Variants in ABLIM2 observed in about 807,000 individuals in gnomAD.
The protein encoded by ABLIM2 is actin binding LIM protein family member 2.
Under a neutral mutation model 97.7 loss-of-function variants are expected in ABLIM2, and 53 were observed. The observed-to-expected ratio is 0.54, with a 90% CI of 0.44 to 0.68. ABLIM2 has a LOEUF of 0.68. Among genes scored for constraint, ABLIM2 ranks in the 30% least tolerant of loss-of-function variants. The pLI is 0.00. For missense variants in ABLIM2, 835 were observed against 867.2 expected, an observed-to-expected ratio of 0.96 and a Z score of 0.47; for synonymous variants, 361 against 345.8, an observed-to-expected ratio of 1.04 and a Z score of -0.49.
Position 8,009,252 on chromosome 4 carries a change from A to G in ABLIM2, c.1424-150T>C, listed in dbSNP as rs186551395. The G allele has an allele frequency of 5.5e-3, 5,140 of 937,240 alleles. 28 individuals are homozygous for G. The highest frequency in any genetic ancestry group is 7.2e-3 in the Non-Finnish European group (4,349 of 605,404). The allele number at this position is 937,240 out of a possible 1,614,324, so 58.1% of individuals were successfully genotyped here. A position where few individuals can be genotyped will look rare whatever the true frequency, so the allele number is the denominator to read the frequency against. ...GAGTGCCTTTCAAAGGGCAAGGAAC[A>G]AGGTAAGCTGGAGGAGGTCCCCAGG... is the stretch of plus-strand genomic sequence containing the variant. On this transcript the variant is annotated intron_variant, in intron 14 of 20. Coordinates refer to ENST00000447017, the MANE Select transcript of ABLIM2 (RefSeq NM_001130083.2).
At chr4:8,078,134 C>G (rs543407482) in intron 5 of ABLIM2, among the ~76,000 whole-genome samples, 1 of 152,218 alleles carries the variant, frequency 6.6e-6, no homozygotes, top group Non-Finnish European at 1.5e-5. Flanking sequence ...ACATTGGGAA[C>G]AGGGCTGGAG....
rs59586032 is a variant in ABLIM2 at position 8,120,474 on chromosome 4, G to A, written c.11-13837C>T. Among the ~76,000 whole-genome samples, 21,916 of 152,108 alleles carry A rather than the reference G, an allele frequency of 0.14. 1,841 individuals carry two copies. Among genetic ancestry groups the A allele is most frequent in the East Asian group, 0.32 (1,642 of 5,168 alleles). ...GTCGTGGCAGCATGGGAAACCAGAG[G>A]GAACCCAACATGAAGACGCGGGAGA... On this transcript the variant is annotated intron_variant, in intron 1 of 20. Transcript: ENST00000447017. The surrounding 1 kb of genome is among the most constrained non-coding windows in gnomAD (Gnocchi z 5.6).
chr4:7,973,198 G>C (rs13129349), intron 20 of ABLIM2, among the ~76,000 whole-genome samples: 24,773 of 151,770 alleles, frequency 0.16, 2,562 homozygotes, highest in Non-Finnish European at 0.22. Context: ...AGCCTTGGCT[G>C]CTGGAGGAAG....
intron 14 of ABLIM2, among the ~76,000 whole-genome samples, chr4:8,012,973 A>G (rs1766077045): frequency 6.6e-6 from 1 of 152,172 alleles, no homozygotes. Context: ...CCTACTGTGC[A>G]CTGTACTGTC....
chr4:8,124,258 C>T lies in ABLIM2; in HGVS notation c.11-17621G>A, dbSNP rs1361488514. Among the ~76,000 whole-genome samples, 3 of 152,244 alleles carry T rather than the reference C, an allele frequency of 2.0e-5. No homozygotes were observed. The highest frequency in any genetic ancestry group is 2.9e-5 in the Non-Finnish European group (2 of 68,050). ...CGGTGCACACATCTGAAAATCATAA[C>T]TTCATTGAGATATAATTCACATAGC... On this transcript the variant is annotated intron_variant, in intron 1 of 20. Coordinates refer to ENST00000447017, the MANE Select transcript of ABLIM2 (RefSeq NM_001130083.2). The surrounding 1 kb of genome is among the most constrained non-coding windows in gnomAD (Gnocchi z 6.1).
In ABLIM2 at chr4:8,125,907, C is replaced by A. The variant is rs150791354; in HGVS notation, c.11-19270G>T. ...TGTGCGTGGGCAGCCTTGGGGGACCCGCCGCTTTTGGGAACACACCTGCAT... is the reference window on the plus strand; with the variant it reads ...TGTGCGTGGGCAGCCTTGGGGGACCAGCCGCTTTTGGGAACACACCTGCAT... On this transcript the variant is annotated intron_variant, in intron 1 of 20. Coordinates refer to ENST00000447017, the MANE Select transcript of ABLIM2 (RefSeq NM_001130083.2). This position sits in a 1 kb window ranked among gnomAD's most constrained non-coding sequence, Gnocchi z 6.2. 6.6e-6 allele frequency among the ~76,000 whole-genome samples: 1 copy of A among 152,190 alleles called. No homozygotes were observed. Among genetic ancestry groups the A allele is most frequent in the Non-Finnish European group, 1.5e-5 (1 of 68,036 alleles).
intron 17 of ABLIM2, among the ~76,000 whole-genome samples, chr4:7,988,766 C>T (rs186416940): frequency 6.6e-6 from 1 of 152,240 alleles, no homozygotes; most frequent in East Asian, 1.9e-4. Context: ...TTTTTAAAGA[C>T]TAGAAAAGAG....
chr4:8,077,528 C>T, intron 6 of ABLIM2, 100 bp downstream of exon 6: 1 of 1,176,542 alleles, frequency 8.5e-7, no homozygotes, highest in Non-Finnish European at 1.2e-6. Context: ...TGCAGCCAGA[C>T]AGATTCTTGC....
At chr4:8,080,591 G>T in intron 5 of ABLIM2, 85 bp downstream of exon 5, 3 of 1,387,472 alleles carry the variant, frequency 2.2e-6, no homozygotes, top group South Asian at 1.6e-5. Flanking sequence ...AGAGGGTGGC[G>T]CTGGGGACAC....
chr4:8,051,895 C>T (rs1004786372), intron 8 of ABLIM2, among the ~76,000 whole-genome samples: 2 of 152,192 alleles, frequency 1.3e-5, no homozygotes, highest in African/African-American at 4.8e-5. Flanking sequence ...CTGGTCAAAC[C>T]AATCGCCTAA....
rs531183647 is a variant in ABLIM2, at chr4:8,006,705, C to T, written c.1618+1354G>A. 1.6e-3 allele frequency among the ~76,000 whole-genome samples: 241 copies of T among 152,246 alleles called. 1 individual carries two copies. The highest frequency in any genetic ancestry group is 5.2e-3 in the African/African-American group (218 of 41,568). On this transcript the variant is annotated intron_variant, in intron 16 of 20. Transcript: ENST00000447017. The stretch of plus-strand genomic sequence containing the variant: ...GCCAGGGGCAGGGATTCCTAGGATC[C>T]GAGAGAGAGGGACCGGAGGACTGGC...
At position 8,021,394 on chromosome 4, in the gene ABLIM2, C is replaced by T. The variant is rs779655306; in HGVS notation, c.1268-1091G>A. Among the ~76,000 whole-genome samples the T allele has an allele frequency of 2.0e-5, 3 of 152,048 alleles. No homozygotes were observed. Among genetic ancestry groups the T allele is most frequent in the African/African-American group, 7.2e-5 (3 of 41,390 alleles). The stretch of plus-strand genomic sequence containing the variant: ...AATGCTTGTGATGAGAGAAGGTGTA[C>T]GCTCCCTGCAGAAGACACTCCCAAG... On this transcript the variant is annotated intron_variant, in intron 12 of 20. Transcript: ENST00000447017. This position sits in a 1 kb window ranked among gnomAD's most constrained non-coding sequence, Gnocchi z 5.5.
Position 8,087,995 on chromosome 4 carries a change from A to G in ABLIM2, c.454+174T>C, listed in dbSNP as rs1428106651. ...CCAACTCAGCACCCCCCCCACAACC[A>G]GCAAGCCCCCACTTAGCATGCCCTA... On this transcript the variant is annotated intron_variant, in intron 4 of 20. Coordinates refer to ENST00000447017, the MANE Select transcript of ABLIM2 (RefSeq NM_001130083.2). This position sits in a 1 kb window ranked among gnomAD's most constrained non-coding sequence, Gnocchi z 4.6. Among the ~76,000 whole-genome samples the G allele has an allele frequency of 1.7e-5, 1 of 57,608 alleles. No individual in the cohort carries two copies. Among genetic ancestry groups the G allele is most frequent in the Non-Finnish European group, 3.2e-5 (1 of 31,192 alleles). The allele number at this position is 57,608 out of a possible 152,430, so 37.8% of individuals were successfully genotyped here. A position where few individuals can be genotyped will look rare whatever the true frequency, so the allele number is the denominator to read the frequency against.
rs1030100832 is a variant in ABLIM2 at position 8,150,411 on chromosome 4, G to C, written c.10+8269C>G. Among the ~76,000 whole-genome samples, 26 of 152,196 alleles carry C rather than the reference G, an allele frequency of 1.7e-4. No individual in the cohort carries two copies. Among genetic ancestry groups the C allele is most frequent in the African/African-American group, 5.3e-4 (22 of 41,446 alleles). On this transcript the variant is annotated intron_variant, in intron 1 of 20. Coordinates refer to ENST00000447017, the MANE Select transcript of ABLIM2 (RefSeq NM_001130083.2). This position sits in a 1 kb window ranked among gnomAD's most constrained non-coding sequence, Gnocchi z 6.3. ...CATTCTACCTGAGTGGCTTTCAGGGGAGCCAGTACAAGGCCCCATCGTGCC... is the reference window on the plus strand; with the variant it reads ...CATTCTACCTGAGTGGCTTTCAGGGCAGCCAGTACAAGGCCCCATCGTGCC...
chr4:8,081,640 G>A (rs1395078440), intron 4 of ABLIM2, among the ~76,000 whole-genome samples: 1 of 152,220 alleles, frequency 6.6e-6, no homozygotes, highest in Admixed American at 6.5e-5. Context: ...GTCTAAGTAT[G>A]TGGATGTGTC....
intron 1 of ABLIM2, among the ~76,000 whole-genome samples, chr4:8,141,919 G>T (rs906427289): frequency 6.6e-6 from 1 of 152,242 alleles, no homozygotes; most frequent in Non-Finnish European, 1.5e-5. Flanking sequence ...GATCTGAGAA[G>T]AGGGGGAGGG....
At chr4:8,096,959 G>T (rs1831958324) in intron 3 of ABLIM2, 140 bp downstream of exon 3, 1 of 1,102,526 alleles carries the variant, frequency 9.1e-7, no homozygotes, top group Non-Finnish European at 1.3e-6. Flanking sequence ...GGTGCAGACT[G>T]TGGGGCCTGG....
chr4:7,997,637 T>A (rs1047413361), intron 16 of ABLIM2, among the ~76,000 whole-genome samples: 1 of 152,180 alleles, frequency 6.6e-6, no homozygotes, highest in African/African-American at 2.4e-5. Flanking sequence ...TCCTTTTCAG[T>A]TTCAAAAGTA....
rs1025093577 is a variant in ABLIM2, at chr4:8,067,168, G to A, written c.676-6114C>T. On this transcript the variant is annotated intron_variant, in intron 6 of 20. Transcript: ENST00000447017. This position sits in a 1 kb window ranked among gnomAD's most constrained non-coding sequence, Gnocchi z 5.4. ...AGGCAGGCTGGATGCTACCTCCTGGGAAGACTCCATGGGCCATGGGGACAA... is the reference window on the plus strand; with the variant it reads ...AGGCAGGCTGGATGCTACCTCCTGGAAAGACTCCATGGGCCATGGGGACAA... 7.9e-5 allele frequency: 12 copies of A among 152,378 alleles called. No homozygotes were observed. The highest frequency in any genetic ancestry group is 5.9e-4 in the Admixed American group (9 of 15,298). 9.4% of individuals were successfully genotyped at this position (152,378 alleles called of 1,614,324 possible). A position where few individuals can be genotyped will look rare whatever the true frequency, so the allele number is the denominator to read the frequency against.
Sources: allele counts gnomAD v4.1 joint callset (sites outside exome capture counted in the v4.1 genomes callset), GRCh38; gene constraint gnomAD v4.1.1; non-coding constraint Gnocchi (gnomAD v3.1); transcripts MANE v1.5; gene names NCBI Gene and HGNC (gene_info 2026-07-23, HGNC 2026-07-21).